The following DUSP10 variants were observed in gnomAD, a reference collection of about 807,000 sequenced individuals.
DUSP10 encodes dual specificity phosphatase 10, also known as dual specificity protein phosphatase 10.
Under a neutral mutation model 30.8 loss-of-function variants are expected in DUSP10, and 14 were observed. The ratio of observed to expected loss-of-function variants is 0.46; its 90% CI spans 0.30 to 0.71. The LOEUF (loss-of-function observed/expected upper bound fraction) is 0.71. DUSP10 is among the 30% of genes least tolerant of loss of function. DUSP10 has a pLI of 0.08. For synonymous variants in DUSP10, 254 were observed against 250.4 expected (o/e 1.01, Z -0.14); for missense variants, 550 against 619.4 (o/e 0.89, Z 1.19).
At chr1:221,713,062 G>A (rs1336783836) in intron 2 of DUSP10, among the ~76,000 whole-genome samples, 1 of 152,226 alleles carries the variant, frequency 6.6e-6, no homozygotes, top group Non-Finnish European at 1.5e-5. Flanking sequence ...TCAGATGCAG[G>A]AAGATGACCA....
chr1:221,738,793 A>G (rs1248858831), intron 2 of DUSP10, 141 bp downstream of exon 2: 4 of 1,119,584 alleles, frequency 3.6e-6, no homozygotes, highest in Non-Finnish European at 5.0e-6. Context: ...AAAACAATAA[A>G]GAGCATAGAA....
intron 2 of DUSP10, among the ~76,000 whole-genome samples, chr1:221,733,836 C>A (rs532807998): frequency 6.6e-6 from 1 of 152,150 alleles, no homozygotes; most frequent in Non-Finnish European, 1.5e-5. Flanking sequence ...CTGAGCACAT[C>A]GTGAATGAGG....
chr1:221,714,507 C>G (rs1164774760), intron 2 of DUSP10, among the ~76,000 whole-genome samples: 1 of 152,116 alleles, frequency 6.6e-6, no homozygotes, highest in Non-Finnish European at 1.5e-5. Flanking sequence ...TGGCGCCAGG[C>G]AAGGGGAGAG....
At chr1:221,731,497 T>C (rs1029344671) in intron 2 of DUSP10, among the ~76,000 whole-genome samples, 1 of 152,116 alleles carries the variant, frequency 6.6e-6, no homozygotes, top group Non-Finnish European at 1.5e-5. Context: ...GGCATATATA[T>C]TTATTTTTTC....
intron 2 of DUSP10, among the ~76,000 whole-genome samples, chr1:221,721,684 C>T (rs977715743): frequency 4.6e-5 from 7 of 152,086 alleles, no homozygotes; most frequent in Admixed American, 3.9e-4. Context: ...CTCTCCTCGC[C>T]CCTACTTCTT....
chr1:221,702,428 AC>A lies in DUSP10; in HGVS notation c.1432del (p.Val478TrpfsTer41). ...AGACCATTGTCACACAACCGTCTCC[AC>A]GCCCATCAGCTTTGGTGTAAGGATT... is the stretch of plus-strand genomic sequence containing the variant. The part of the protein sequence containing the change: ...PRILTPKLMG[V>X]ETVV On this transcript the variant is annotated frameshift_variant, in exon 4 of 4. Coordinates refer to ENST00000366899, the MANE Select transcript of DUSP10 (RefSeq NM_007207.6). LOFTEE classifies it high-confidence loss of function. The surrounding 1 kb of genome is among the most constrained non-coding windows in gnomAD (Gnocchi z 4.5). The A allele has an allele frequency of 6.2e-7, 1 of 1,613,624 alleles. No homozygotes were observed. The highest frequency in any genetic ancestry group is 8.5e-7 in the Non-Finnish European group (1 of 1,179,890).
At chr1:221,728,789 T>C (rs1257319546) in intron 2 of DUSP10, among the ~76,000 whole-genome samples, 1 of 152,258 alleles carries the variant, frequency 6.6e-6, no homozygotes, top group Non-Finnish European at 1.5e-5. Context: ...GATTCTTTCT[T>C]GTTCTTTTTA....
chr1:221,710,896 C>T (rs987680121), intron 2 of DUSP10, among the ~76,000 whole-genome samples: 2 of 151,948 alleles, frequency 1.3e-5, no homozygotes, highest in African/African-American at 2.4e-5. Context: ...GTTATTAGTG[C>T]GAACATATTG....
Position 221,725,822 on chromosome 1 carries a change from C to T in DUSP10, c.811+13112G>A, listed in dbSNP as rs550066060. ...TCTACTCAGCATCTCACTAAATCTACCTCTTGCTGCTTTTATTGTCCCTTT... is the reference window on the plus strand; with the variant it reads ...TCTACTCAGCATCTCACTAAATCTATCTCTTGCTGCTTTTATTGTCCCTTT... On this transcript the variant is annotated intron_variant, in intron 2 of 3. Transcript: ENST00000366899. Among the ~76,000 whole-genome samples, 3 of 151,672 alleles carry T rather than the reference C, an allele frequency of 2.0e-5. No individual in the cohort carries two copies. In the East Asian group the frequency reaches 5.8e-4, roughly 29 times the overall value.
intron 2 of DUSP10, among the ~76,000 whole-genome samples, chr1:221,735,433 A>G (rs901687615): frequency 7.2e-5 from 11 of 152,228 alleles, no homozygotes; most frequent in Non-Finnish European, 1.2e-4. Flanking sequence ...ATGACACTCA[A>G]GTGTTTACGA....
chr1:221,738,176 CTGCTAATCTCAGTTA>C (rs1464768852), intron 2 of DUSP10, among the ~76,000 whole-genome samples: 1 of 152,166 alleles, frequency 6.6e-6, no homozygotes, highest in Non-Finnish European at 1.5e-5. Flanking sequence ...GAGCTCAGTT[CTGCTAATCTCAGTTA>C]TTCTGCATTC....
chr1:221,707,114 A>G (rs1382433071), intron 2 of DUSP10, among the ~76,000 whole-genome samples: 3 of 152,162 alleles, frequency 2.0e-5, no homozygotes, highest in Admixed American at 6.5e-5. Context: ...TTTGAGTGCA[A>G]TTGTGAGCCT....
intron 2 of DUSP10, among the ~76,000 whole-genome samples, chr1:221,713,668 T>C (rs957782887): frequency 1.3e-5 from 2 of 152,236 alleles, no homozygotes; most frequent in Non-Finnish European, 2.9e-5. Context: ...GCATTATTAA[T>C]ACATATTCTT....
chr1:221,725,811 C>A (rs191118574), intron 2 of DUSP10, among the ~76,000 whole-genome samples: 11 of 151,744 alleles, frequency 7.2e-5, no homozygotes, highest in African/African-American at 2.7e-4. Flanking sequence ...CTCAGCATCT[C>A]ACTAAATCTA....
At chr1:221,729,582 C>T (rs968132869) in intron 2 of DUSP10, among the ~76,000 whole-genome samples, 1 of 152,206 alleles carries the variant, frequency 6.6e-6, no homozygotes, top group African/African-American at 2.4e-5. Flanking sequence ...CAGAGCTTCT[C>T]TGAGAACTAA....
At chr1:221,737,251 T>C (rs1661804254) in intron 2 of DUSP10, 7 of 985,316 alleles carry the variant, frequency 7.1e-6, no homozygotes, top group African/African-American at 1.7e-5. Context: ...AAAGACTTGC[T>C]TTTTATCATG....
At chr1:221,726,266 G>A (rs1661421166) in intron 2 of DUSP10, among the ~76,000 whole-genome samples, 1 of 152,196 alleles carries the variant, frequency 6.6e-6, no homozygotes, top group African/African-American at 2.4e-5. Flanking sequence ...GCAGTTGGGT[G>A]GGAAGGTGGA....
intron 1 of DUSP10, 41 bp from the exon 2 acceptor site, chr1:221,739,828 G>A (rs1021654993): frequency 6.8e-6 from 10 of 1,479,304 alleles, no homozygotes; most frequent in Middle Eastern, 2.4e-4. Context: ...ATAAAGTCAC[G>A]TGACACAAAA....
chr1:221,729,242 G>A (rs979603231), intron 2 of DUSP10, among the ~76,000 whole-genome samples: 1 of 152,208 alleles, frequency 6.6e-6, no homozygotes, highest in African/African-American at 2.4e-5. Context: ...TTGAGGCAAG[G>A]TTACTGGGAA....
Sources: allele counts gnomAD v4.1 joint callset (sites outside exome capture counted in the v4.1 genomes callset), GRCh38; gene constraint gnomAD v4.1.1; non-coding constraint Gnocchi (gnomAD v3.1); transcripts MANE v1.5; gene names NCBI Gene and HGNC (gene_info 2026-07-23, HGNC 2026-07-21).